Variants in TEX30 observed in about 807,000 individuals in gnomAD.
TEX30 encodes testis expressed 30.
In TEX30, 14 loss-of-function variants were observed where a neutral mutation model predicts 23.8. The ratio of observed to expected loss-of-function variants is 0.59; its 90% CI spans 0.39 to 0.92. TEX30 has a LOEUF of 0.92. Among genes scored for constraint, TEX30 ranks in the 40% least tolerant of loss-of-function variants. TEX30 has a pLI of 0.00. For missense variants in TEX30, 246 were observed against 270.6 expected, an observed-to-expected ratio of 0.91 and a Z score of 0.64; for synonymous variants, 78 against 90.2, an observed-to-expected ratio of 0.87 and a Z score of 0.76.
At chr13:102,772,009 C>T (rs957481979) in intron 1 of TEX30, among the ~76,000 whole-genome samples, 1 of 152,194 alleles carries the variant, frequency 6.6e-6, no homozygotes, top group Non-Finnish European at 1.5e-5. Context: ...GCCAGCGTTT[C>T]CTTTCCTATT....
At chr13:102,769,929 A>G in intron 2 of TEX30, 83 bp downstream of exon 2, 2 of 1,239,842 alleles carry the variant, frequency 1.6e-6, no homozygotes, top group Non-Finnish European at 2.1e-6. Flanking sequence ...GAAAGTTGAA[A>G]ATAAAATTAC....
At chr13:102,768,115 T>C (rs770834804) in intron 4 of TEX30, 145 bp downstream of exon 4, 58 of 615,354 alleles carry the variant, frequency 9.4e-5, no homozygotes, top group Non-Finnish European at 1.5e-4. Context: ...GTATATAAAG[T>C]GCTTTAACAT....
At position 102,773,727 on chromosome 13, in the gene TEX30, C is replaced by T. The variant is rs1190039895; in HGVS notation, c.-106G>A. ...GCGGGCACCCAACCGCCGTCACTCC[C>T]TTCAGGGAGCTGACTAGCGCGCTCG... On this transcript the variant is annotated 5_prime_UTR_variant, in exon 1 of 6. Transcript: ENST00000376032. 2.0e-5 allele frequency: 3 copies of T among 152,170 alleles called. No homozygotes were observed. The highest frequency in any genetic ancestry group is 1.9e-4 in the East Asian group (1 of 5,178). 9.4% of individuals were successfully genotyped at this position (152,170 alleles called of 1,614,324 possible).
chr13:102,768,025 G>C (rs1183347372), intron 4 of TEX30, among the ~76,000 whole-genome samples: 1 of 152,156 alleles, frequency 6.6e-6, no homozygotes, highest in Non-Finnish European at 1.5e-5. Context: ...ATCATATGCA[G>C]GATGATGATT....
At chr13:102,773,534 G>T (rs1595299067) in intron 1 of TEX30, 148 bp downstream of exon 1, 1 of 151,906 alleles carries the variant, frequency 6.6e-6, no homozygotes, top group East Asian at 1.9e-4. Flanking sequence ...ACCGAACTTA[G>T]CGGAACGCCT....
chr13:102,769,490 CCAAA>C lies in TEX30; in HGVS notation c.63_66del (p.Cys21TrpfsTer7), dbSNP rs758443223. ...CCATATGTTAAGCTCTTGTTAGGTA[CCAAA>C]CAAACAGCATCTAGTAATTTATTTC... On this transcript the variant is annotated frameshift_variant, in exon 3 of 6. Transcript: ENST00000376032. LOFTEE classifies it high-confidence loss of function. 3.7e-5 allele frequency: 59 copies of C among 1,608,558 alleles called. No homozygotes were observed. The highest frequency in any genetic ancestry group is 6.8e-5 in the Admixed American group (4 of 58,812).
At chr13:102,767,749 C>T (rs1877008195) in intron 4 of TEX30, among the ~76,000 whole-genome samples, 1 of 151,986 alleles carries the variant, frequency 6.6e-6, no homozygotes, top group Admixed American at 6.6e-5. Context: ...CCTATCTCTA[C>T]TAAAAACACA....
At chr13:102,769,178 G>T in intron 3 of TEX30, 133 bp downstream of exon 3, 1 of 606,906 alleles carries the variant, frequency 1.6e-6, no homozygotes, top group East Asian at 3.3e-5. Context: ...TTCATGTACT[G>T]CTGAGTTTTC....
rs947920367 is a variant in TEX30, at chr13:102,765,957, C to G, written c.*444G>C. ...CCCATATTTGAAACATATGTCCACT[C>G]CTATCCTTTCATTGTGATTTATTAA... On this transcript the variant is annotated 3_prime_UTR_variant, in exon 6 of 6. Coordinates refer to ENST00000376032, the MANE Select transcript of TEX30 (RefSeq NM_138779.5). 1 of 152,584 alleles carries G rather than the reference C, an allele frequency of 6.6e-6. No individual in the cohort carries two copies. Among genetic ancestry groups the G allele is most frequent in the Non-Finnish European group, 1.5e-5 (1 of 68,358 alleles). 9.5% of individuals were successfully genotyped at this position (152,584 alleles called of 1,614,324 possible). A position where few individuals can be genotyped will look rare whatever the true frequency, so the allele number is the denominator to read the frequency against.
At position 102,766,362 on chromosome 13, in the gene TEX30, A is replaced by G. The variant is rs1448244871; in HGVS notation, c.*39T>C. On this transcript the variant is annotated 3_prime_UTR_variant, in exon 6 of 6. Transcript: ENST00000376032. ...CTGAGAGGCATACTCTTCTTTATCA[A>G]ATTAACTGTATGTGTACTCAAGATA... is the stretch of plus-strand genomic sequence containing the variant. 3.2e-6 allele frequency: 5 copies of G among 1,545,304 alleles called. No homozygotes were observed. Among genetic ancestry groups the G allele is most frequent in the African/African-American group, 1.4e-5 (1 of 73,132 alleles).
chr13:102,770,078 G>C lies in TEX30; in HGVS notation c.-52C>G. On this transcript the variant is annotated 5_prime_UTR_variant, in exon 2 of 6. Coordinates refer to ENST00000376032, the MANE Select transcript of TEX30 (RefSeq NM_138779.5). ...GTGCATTTACATCTGAGAAGCAAAG[G>C]ACATCTCCCTGAAAAGAAGATTCTG... 2 of 1,271,520 alleles carry C rather than the reference G, an allele frequency of 1.6e-6. No individual in the cohort carries two copies. The highest frequency in any genetic ancestry group is 1.0e-6 in the Non-Finnish European group (1 of 982,442). The allele number at this position is 1,271,520 out of a possible 1,614,324, so 78.8% of individuals were successfully genotyped here. A position where few individuals can be genotyped will look rare whatever the true frequency, so the allele number is the denominator to read the frequency against.
At chr13:102,773,196 C>G (rs1392258911) in intron 1 of TEX30, among the ~76,000 whole-genome samples, 1 of 152,236 alleles carries the variant, frequency 6.6e-6, no homozygotes, top group Non-Finnish European at 1.5e-5. Context: ...CAAACAAAAA[C>G]GTTGAGTCCG....
In TEX30 at chr13:102,767,514, T is replaced by A. The variant is rs370913802; in HGVS notation, c.299-36A>T. 1.2e-5 allele frequency: 20 copies of A among 1,600,602 alleles called. No individual in the cohort carries two copies. In the African/African-American group the frequency reaches 2.6e-4, roughly 20 times the overall value. On this transcript the variant is annotated intron_variant, in intron 4 of 5. Transcript: ENST00000376032. ...TTAAAATTAAGTTCAGTTTGAAATA[T>A]AAACTTTCACATAAAGTAGCAGTGA...
rs544771465 is a variant in TEX30 at position 102,771,416 on chromosome 13, T to C, written c.-60-1330A>G. 2.0e-5 allele frequency among the ~76,000 whole-genome samples: 3 copies of C among 152,366 alleles called. No homozygotes were observed. The East Asian group carries it at 5.8e-4, about 29-fold the overall frequency. ...TTTTTGAATAGGTATCGTGTGTACA[T>C]GGTACATTTTAAAAGACAATGTAAA... On this transcript the variant is annotated intron_variant, in intron 1 of 5. Coordinates refer to ENST00000376032, the MANE Select transcript of TEX30 (RefSeq NM_138779.5).
chr13:102,766,953 T>G lies in TEX30; in HGVS notation c.504+320A>C, dbSNP rs535234456. On this transcript the variant is annotated intron_variant, in intron 5 of 5. Transcript: ENST00000376032. The stretch of plus-strand genomic sequence containing the variant: ...GCCAACCCTTTCTCAAGAATCAATT[T>G]TATAACAAATACTCTGCCTGAATGT... 2.0e-5 allele frequency among the ~76,000 whole-genome samples: 3 copies of G among 152,302 alleles called. No homozygotes were observed. In the East Asian group the frequency reaches 5.8e-4, roughly 29 times the overall value.
chr13:102,769,499 CA>C lies in TEX30; in HGVS notation c.57del (p.Val20PhefsTer9). On this transcript the variant is annotated frameshift_variant, in exon 3 of 6. Transcript: ENST00000376032. LOFTEE classifies it high-confidence loss of function. The part of the protein sequence containing the change: ...KIPFGNKLLD[A>X]VCLVPNKSLT... ...AAGCTCTTGTTAGGTACCAAACAAA[CA>C]GCATCTAGTAATTTATTTCCAAAAG... 6.2e-7 allele frequency: 1 copy of C among 1,606,110 alleles called. No homozygotes were observed. Among genetic ancestry groups the C allele is most frequent in the East Asian group, 2.2e-5 (1 of 44,596 alleles).
At chr13:102,767,623 C>T in intron 4 of TEX30, 145 bp from the exon 5 acceptor site, 2 of 872,390 alleles carry the variant, frequency 2.3e-6, no homozygotes, top group South Asian at 1.7e-5. Context: ...TAACAAGTTG[C>T]AATACCAGGC....
Position 102,773,768 on chromosome 13 carries a change from C to T in TEX30, c.-147G>A, listed in dbSNP as rs1877505273. 1 of 152,158 alleles carries T rather than the reference C, an allele frequency of 6.6e-6. No homozygotes were observed. The highest frequency in any genetic ancestry group is 1.5e-5 in the Non-Finnish European group (1 of 68,014). The allele number at this position is 152,158 out of a possible 1,614,324, so 9.4% of individuals were successfully genotyped here. A position where few individuals can be genotyped will look rare whatever the true frequency, so the allele number is the denominator to read the frequency against. ...AGCGCGCTCGAAGCGACCGCCTCGC[C>T]TGCCCCGCCACAGCGTTCGGCTACG... On this transcript the variant is annotated 5_prime_UTR_variant, in exon 1 of 6. Transcript: ENST00000376032.
chr13:102,768,189 T>G, intron 4 of TEX30, 71 bp downstream of exon 4: 1 of 1,300,676 alleles, frequency 7.7e-7, no homozygotes, highest in Non-Finnish European at 1.1e-6. Flanking sequence ...GATCAACTAA[T>G]TTTAATTCTC....
Sources: gnomAD v4.1 joint callset for allele counts (sites outside exome capture counted in the v4.1 genomes callset) on GRCh38, gnomAD v4.1.1 for gene constraint, MANE v1.5 for transcripts, NCBI Gene and HGNC (gene_info 2026-07-23, HGNC 2026-07-21) for gene names.